IPCEF1: variants seen among roughly 807,000 people sequenced by gnomAD.
IPCEF1 encodes interactor protein for cytohesin exchange factors 1.
Under a neutral mutation model 50.9 loss-of-function variants are expected in IPCEF1, and 31 were observed. The observed-to-expected ratio is 0.61, with a 90% CI of 0.46 to 0.82. The LOEUF (loss-of-function observed/expected upper bound fraction) is 0.82. Among genes scored for constraint, IPCEF1 ranks in the 40% least tolerant of loss-of-function variants. The pLI is 0.00. For synonymous variants in IPCEF1, 181 were observed against 192.0 expected (o/e 0.94, Z 0.47); for missense variants, 458 against 514.0 (o/e 0.89, Z 1.05).
chr6:154,197,757 T>C (rs769571976), intron 10 of IPCEF1, among the ~76,000 whole-genome samples: 30 of 152,210 alleles, frequency 2.0e-4, no homozygotes, highest in Non-Finnish European at 3.2e-4. Context: ...TCCAGGGTTA[T>C]CTCTTGGGAA....
chr6:154,223,252 A>G lies in IPCEF1; in HGVS notation c.247-9T>C, dbSNP rs755710132. ...CCATCAGCTTTCTCTGCCTGAAACA[A>G]ATATATACCACAAATAGGAATGAAT... On this transcript the variant is annotated splice_polypyrimidine_tract_variant and intron_variant, in intron 5 of 11. Transcript: ENST00000367220. 2.5e-6 allele frequency: 4 copies of G among 1,605,358 alleles called. No individual in the cohort carries two copies. The East Asian group carries it at 8.9e-5, about 36-fold the overall frequency.
At chr6:154,224,163 G>A (rs1204960916) in intron 5 of IPCEF1, among the ~76,000 whole-genome samples, 3 of 152,210 alleles carry the variant, frequency 2.0e-5, no homozygotes, top group Non-Finnish European at 4.4e-5. Context: ...GTTATTGGGA[G>A]ATGAGTAAAA....
chr6:154,224,421 C>T (rs1416031213), intron 5 of IPCEF1, among the ~76,000 whole-genome samples: 1 of 152,136 alleles, frequency 6.6e-6, no homozygotes, highest in African/African-American at 2.4e-5. Flanking sequence ...AGATTCAAAA[C>T]TCAAGGCTGG....
At chr6:154,282,704 C>A (rs1782254742) in intron 2 of IPCEF1, among the ~76,000 whole-genome samples, 3 of 152,088 alleles carry the variant, frequency 2.0e-5, no homozygotes, top group African/African-American at 7.2e-5. Flanking sequence ...AAAGAACTAG[C>A]TGGATCAAAG....
intron 1 of IPCEF1, among the ~76,000 whole-genome samples, chr6:154,349,008 G>T (rs1248471529): frequency 5.3e-5 from 8 of 151,974 alleles, no homozygotes. Flanking sequence ...AATAATTAAA[G>T]GTTTTCTCCT....
intron 9 of IPCEF1, among the ~76,000 whole-genome samples, chr6:154,204,544 TACCAGAAG>T (rs1777327649): frequency 6.6e-6 from 1 of 152,162 alleles, no homozygotes; most frequent in South Asian, 2.1e-4. Context: ...TCACCCTAAA[TACCAGAAG>T]ACCTTGTAAT....
chr6:154,332,795 G>A (rs17085303), intron 1 of IPCEF1, among the ~76,000 whole-genome samples: 2,642 of 152,258 alleles, frequency 0.017, 59 homozygotes, highest in African/African-American at 0.049. Context: ...TAGAGACTGA[G>A]TCAGGCACTC....
At chr6:154,342,850 T>C (rs1383975712) in intron 1 of IPCEF1, among the ~76,000 whole-genome samples, 3 of 152,226 alleles carry the variant, frequency 2.0e-5, no homozygotes, top group African/African-American at 7.2e-5. Context: ...TGGTGGCTTA[T>C]GCCTGTAATC....
At chr6:154,344,582 C>T (rs1040049992) in intron 1 of IPCEF1, among the ~76,000 whole-genome samples, 1 of 152,154 alleles carries the variant, frequency 6.6e-6, no homozygotes, top group African/African-American at 2.4e-5. Flanking sequence ...GATCTTCCCT[C>T]CTGTGGTCCA....
At chr6:154,161,090 G>A (rs764951728) in intron 11 of IPCEF1, among the ~76,000 whole-genome samples, 12 of 152,224 alleles carry the variant, frequency 7.9e-5, no homozygotes, top group Non-Finnish European at 1.2e-4. Flanking sequence ...TCACACCTCC[G>A]TGTTGTTGTG....
At chr6:154,238,965 A>C (rs770281537) in intron 5 of IPCEF1, among the ~76,000 whole-genome samples, 2 of 152,138 alleles carry the variant, frequency 1.3e-5, no homozygotes, top group Non-Finnish European at 2.9e-5. Context: ...CACCGACAAA[A>C]GTACTATGCA....
chr6:154,276,920 C>T (rs1782077495), intron 2 of IPCEF1, among the ~76,000 whole-genome samples: 4 of 152,162 alleles, frequency 2.6e-5, no homozygotes, highest in Admixed American at 2.0e-4. Flanking sequence ...TTAGACAATT[C>T]AGAGGGACCT....
intron 9 of IPCEF1, among the ~76,000 whole-genome samples, chr6:154,204,152 A>G (rs1383081920): frequency 6.6e-6 from 1 of 152,228 alleles, no homozygotes; most frequent in Non-Finnish European, 1.5e-5. Context: ...AAAGATTAAT[A>G]CTGATTTTTC....
At chr6:154,322,115 C>A (rs1783397803) in intron 1 of IPCEF1, among the ~76,000 whole-genome samples, 1 of 151,982 alleles carries the variant, frequency 6.6e-6, no homozygotes, top group Admixed American at 6.6e-5. Flanking sequence ...TTAATAGATG[C>A]CAAAAGTGCA....
Position 154,159,764 on chromosome 6 carries a change from C to G in IPCEF1, c.*64G>C. Reference sequence around the variant, plus strand: ...TTTTCCTTTTAAGGAAAAATGTAAGCTTTTGCAACATCTTGAAGAGTTGCT... The same window carrying G: ...TTTTCCTTTTAAGGAAAAATGTAAGGTTTTGCAACATCTTGAAGAGTTGCT... On this transcript the variant is annotated 3_prime_UTR_variant, in exon 12 of 12. Transcript: ENST00000367220. 1.5e-6 allele frequency: 2 copies of G among 1,319,356 alleles called. No individual in the cohort carries two copies. The highest frequency in any genetic ancestry group is 2.1e-6 in the Non-Finnish European group (2 of 938,082). 81.7% of individuals were successfully genotyped at this position (1,319,356 alleles called of 1,614,324 possible).
intron 1 of IPCEF1, among the ~76,000 whole-genome samples, chr6:154,326,793 T>G (rs1783531453): frequency 6.6e-6 from 1 of 152,064 alleles, no homozygotes; most frequent in South Asian, 2.1e-4. Flanking sequence ...CTGGAGACAT[T>G]ATGTTACCCA....
chr6:154,246,463 C>T, intron 5 of IPCEF1, 128 bp downstream of exon 5: 2 of 1,124,472 alleles, frequency 1.8e-6, no homozygotes, highest in Non-Finnish European at 2.5e-6. Flanking sequence ...GCTTCTATAA[C>T]TTATTTGTTT....
At chr6:154,249,575 T>C (rs1247301058) in intron 3 of IPCEF1, among the ~76,000 whole-genome samples, 1 of 152,002 alleles carries the variant, frequency 6.6e-6, no homozygotes, top group African/African-American at 2.4e-5. Context: ...GAAATTACAT[T>C]AGTTCAAACA....
At chr6:154,200,678 G>A (rs1776996122) in intron 9 of IPCEF1, among the ~76,000 whole-genome samples, 1 of 152,170 alleles carries the variant, frequency 6.6e-6, no homozygotes. Context: ...CTAAGATCAT[G>A]CCACTGCACT....
Sources: gnomAD v4.1 joint callset for allele counts (sites outside exome capture counted in the v4.1 genomes callset) on GRCh38, gnomAD v4.1.1 for gene constraint, MANE v1.5 for transcripts, NCBI Gene and HGNC (gene_info 2026-07-23, HGNC 2026-07-21) for gene names.